Variants in NR3C2 observed in about 807,000 individuals in gnomAD.
NR3C2 encodes nuclear receptor subfamily 3 group C member 2.
Under a neutral mutation model 86.4 loss-of-function variants are expected in NR3C2, and 15 were observed. The observed-to-expected ratio is 0.17, with a 90% CI of 0.12 to 0.27. The LOEUF (loss-of-function observed/expected upper bound fraction) is 0.27, where lower values mean the gene tolerates loss of function less well. Ranked by LOEUF, NR3C2 falls within the 10% of genes least tolerant of loss-of-function variation. The pLI is 1.00. For synonymous variants in NR3C2, 458 were observed against 450.5 expected, an observed-to-expected ratio of 1.02 and a Z score of -0.21; for missense variants, 960 against 1,195.6, an observed-to-expected ratio of 0.80 and a Z score of 2.91.
intron 3 of NR3C2, among the ~76,000 whole-genome samples, chr4:148,219,678 AAAC>A (rs1476306373): frequency 1.3e-5 from 2 of 152,156 alleles, no homozygotes; most frequent in Non-Finnish European, 2.9e-5. Flanking sequence ...ATATACTTCA[AAAC>A]AACAGAAGAA....
At chr4:148,416,951 A>G (rs1749036435) in intron 2 of NR3C2, among the ~76,000 whole-genome samples, 2 of 151,632 alleles carry the variant, frequency 1.3e-5, no homozygotes, top group Admixed American at 1.3e-4. Flanking sequence ...AATTTTTTGT[A>G]TTTTTAGTAG....
At chr4:148,191,472 T>C (rs1158305522) in intron 4 of NR3C2, among the ~76,000 whole-genome samples, 5 of 152,354 alleles carry the variant, frequency 3.3e-5, no homozygotes, top group African/African-American at 9.6e-5. Context: ...GGCAATGATC[T>C]TTCTGTGATG....
intron 2 of NR3C2, among the ~76,000 whole-genome samples, chr4:148,409,555 C>A (rs556418371): frequency 2.2e-4 from 33 of 152,210 alleles, no homozygotes; most frequent in African/African-American, 6.5e-4. Flanking sequence ...CCTTAGGTGA[C>A]AGAAAGCATA....
intron 2 of NR3C2, among the ~76,000 whole-genome samples, chr4:148,298,146 T>G (rs547252577): frequency 6.6e-6 from 1 of 152,172 alleles, no homozygotes; most frequent in Non-Finnish European, 1.5e-5. Flanking sequence ...AGACTTGTGG[T>G]AGCATTCAAA....
chr4:148,326,142 G>A (rs1205030350), intron 2 of NR3C2, among the ~76,000 whole-genome samples: 1 of 151,742 alleles, frequency 6.6e-6, no homozygotes, highest in East Asian at 1.9e-4. Flanking sequence ...TGTAATCCAA[G>A]CACTTTGGGA....
chr4:148,359,047 A>G (rs770083372), intron 2 of NR3C2, among the ~76,000 whole-genome samples: 3 of 152,200 alleles, frequency 2.0e-5, no homozygotes, highest in Non-Finnish European at 4.4e-5. Context: ...AGAGAGCTGT[A>G]AAAAGAAAAA....
chr4:148,316,700 T>C (rs1453040331), intron 2 of NR3C2, among the ~76,000 whole-genome samples: 1 of 152,254 alleles, frequency 6.6e-6, no homozygotes, highest in African/African-American at 2.4e-5. Context: ...TATATATTTA[T>C]ACTTCTCATT....
intron 6 of NR3C2, among the ~76,000 whole-genome samples, chr4:148,120,542 A>G (rs1411398287): frequency 6.6e-6 from 1 of 152,226 alleles, no homozygotes; most frequent in Non-Finnish European, 1.5e-5. Context: ...AACCCTTTTA[A>G]AGTATGCCAT....
At chr4:148,246,893 T>C (rs894893397) in intron 3 of NR3C2, among the ~76,000 whole-genome samples, 3 of 152,234 alleles carry the variant, frequency 2.0e-5, no homozygotes, top group Non-Finnish European at 4.4e-5. Context: ...TTAAAGGAAC[T>C]TTATATCTAA....
At position 148,125,939 on chromosome 4, in the gene NR3C2, A is replaced by G. The variant is rs371419887; in HGVS notation, c.2511-5651T>C. 2.0e-5 allele frequency among the ~76,000 whole-genome samples: 3 copies of G among 152,252 alleles called. No homozygotes were observed. The East Asian group carries it at 5.8e-4, about 29-fold the overall frequency. On this transcript the variant is annotated intron_variant, in intron 6 of 8. Coordinates refer to ENST00000358102, the MANE Select transcript of NR3C2 (RefSeq NM_000901.5). ...GATATTGCATTTAGGAAGTTCTACA[A>G]AATTTTTGAGAGAGAAAGACTGATT...
intron 2 of NR3C2, among the ~76,000 whole-genome samples, chr4:148,388,962 T>C (rs1464584131): frequency 6.6e-6 from 1 of 152,230 alleles, no homozygotes; most frequent in Non-Finnish European, 1.5e-5. Flanking sequence ...TACAGCCTGC[T>C]AGCTTACAGG....
chr4:148,372,901 T>C (rs1438934084), intron 2 of NR3C2, among the ~76,000 whole-genome samples: 1 of 152,212 alleles, frequency 6.6e-6, no homozygotes, highest in Non-Finnish European at 1.5e-5. Flanking sequence ...CCTCTCTTAC[T>C]AGCAGAGGAA....
chr4:148,336,528 C>T (rs897831723), intron 2 of NR3C2, among the ~76,000 whole-genome samples: 9 of 152,124 alleles, frequency 5.9e-5, no homozygotes, highest in East Asian at 3.9e-4. Flanking sequence ...ACTTTAGTGG[C>T]GAGAGCATAA....
chr4:148,124,526 A>G (rs1172176575), intron 6 of NR3C2, among the ~76,000 whole-genome samples: 1 of 152,130 alleles, frequency 6.6e-6, no homozygotes. Context: ...CTCTATTTAT[A>G]TGATTGCCTG....
intron 2 of NR3C2, among the ~76,000 whole-genome samples, chr4:148,349,517 T>C (rs1561056582): frequency 6.6e-6 from 1 of 152,072 alleles, no homozygotes; most frequent in Non-Finnish European, 1.5e-5. Flanking sequence ...TTCTGCAGGG[T>C]AGCCCCATAA....
At chr4:148,395,737 A>G (rs1747827165) in intron 2 of NR3C2, among the ~76,000 whole-genome samples, 1 of 152,350 alleles carries the variant, frequency 6.6e-6, no homozygotes, top group African/African-American at 2.4e-5. Context: ...GCCAGACAAG[A>G]TAACAGCCCC....
intron 4 of NR3C2, among the ~76,000 whole-genome samples, chr4:148,185,861 T>C (rs1386293550): frequency 1.3e-5 from 2 of 152,204 alleles, no homozygotes; most frequent in Non-Finnish European, 2.9e-5. Flanking sequence ...CTGTAATTTA[T>C]TTAATCCATC....
intron 3 of NR3C2, among the ~76,000 whole-genome samples, chr4:148,238,030 C>A (rs910004955): frequency 9.2e-5 from 14 of 152,154 alleles, no homozygotes; most frequent in Non-Finnish European, 1.6e-4. Context: ...CTGAGGACGC[C>A]ATCAAATATG....
chr4:148,381,121 A>C (rs532418106), intron 2 of NR3C2, among the ~76,000 whole-genome samples: 10 of 152,096 alleles, frequency 6.6e-5, no homozygotes, highest in African/African-American at 2.4e-4. Flanking sequence ...CCAGCTGTTC[A>C]GGAGGCTGAG....
Sources: gnomAD v4.1 joint callset for allele counts (sites outside exome capture counted in the v4.1 genomes callset) on GRCh38, gnomAD v4.1.1 for gene constraint, MANE v1.5 for transcripts, NCBI Gene and HGNC (gene_info 2026-07-23, HGNC 2026-07-21) for gene names.